Variants in CCDC3 observed in about 807,000 individuals in gnomAD.
CCDC3 encodes coiled-coil domain containing 3.
CCDC3 carries 24 observed loss-of-function variants against 21.4 expected under a neutral mutation model. The observed-to-expected ratio is 1.12, with a 90% CI of 0.81 to 1.58. The LOEUF (loss-of-function observed/expected upper bound fraction) is 1.58. Among genes scored for constraint, CCDC3 ranks in the 40% most tolerant of loss-of-function variants. The pLI is 0.00. For synonymous variants in CCDC3, 186 were observed against 166.0 expected, an observed-to-expected ratio of 1.12 and a Z score of -0.93; for missense variants, 425 against 360.9, an observed-to-expected ratio of 1.18 and a Z score of -1.44.
Position 13,052,938 on chromosome 10 carries a change from TCACACACACACACACA to T in CCDC3, c.-269-3013_-269-2998del, listed in dbSNP as rs56261341. On this transcript the variant is annotated intron_variant, in intron 4 of 6. Transcript: ENST00000378839. ...GCCTGGGCAGTAGATTGAGACTCTG[TCACACACACACACACA>T]CACACACACACACACACACACACAC... 5.4e-3 allele frequency among the ~76,000 whole-genome samples: 720 copies of T among 134,432 alleles called. 10 individuals carry two copies. The highest frequency in any genetic ancestry group is 0.018 in the African/African-American group (636 of 35,532). 88.2% of individuals were successfully genotyped at this position (134,432 alleles called of 152,430 possible). A position where few individuals can be genotyped will look rare whatever the true frequency, so the allele number is the denominator to read the frequency against.
intron 2 of CCDC3, among the ~76,000 whole-genome samples, chr10:12,912,848 C>T (rs1429792434): frequency 6.6e-6 from 1 of 152,154 alleles, no homozygotes; most frequent in African/African-American, 2.4e-5. Flanking sequence ...TTTTCCAGCA[C>T]CGTTTACTGA....
At chr10:12,928,326 G>T (rs951580613) in intron 2 of CCDC3, among the ~76,000 whole-genome samples, 1 of 152,080 alleles carries the variant, frequency 6.6e-6, no homozygotes, top group African/African-American at 2.4e-5. Flanking sequence ...CAAGAGAGAA[G>T]AATACAATAA....
At chr10:13,052,971 CACACACACACACACAT>C (rs879263426) in intron 4 of CCDC3, among the ~76,000 whole-genome samples, 1,683 of 91,870 alleles carry the variant, frequency 0.018, 19 homozygotes, top group African/African-American at 0.041. Flanking sequence ...CACACACACA[CACACACACACACACAT>C]ACACACACAC....
At chr10:12,981,252 T>C (rs957582611) in intron 2 of CCDC3, among the ~76,000 whole-genome samples, 9 of 149,098 alleles carry the variant, frequency 6.0e-5, no homozygotes, top group African/African-American at 2.2e-4. Context: ...TGATCTTGGT[T>C]CATGGCAACT....
chr10:13,022,899 G>C (rs994934442), intron 5 of CCDC3, among the ~76,000 whole-genome samples: 2 of 152,138 alleles, frequency 1.3e-5, no homozygotes, highest in Non-Finnish European at 2.9e-5. Context: ...AGAACTGCTT[G>C]AAATATAGGC....
At chr10:12,919,983 G>A (rs1440772848) in intron 2 of CCDC3, among the ~76,000 whole-genome samples, 1 of 152,146 alleles carries the variant, frequency 6.6e-6, no homozygotes, top group African/African-American at 2.4e-5. Flanking sequence ...CCATCTAGTG[G>A]GCCCGGAAGG....
chr10:12,929,582 C>A (rs139356554), intron 2 of CCDC3, among the ~76,000 whole-genome samples: 1 of 152,168 alleles, frequency 6.6e-6, no homozygotes, highest in Non-Finnish European at 1.5e-5. Flanking sequence ...ACTCTGCCCC[C>A]CTCTGCCACA....
chr10:12,961,590 C>T (rs929954809), intron 2 of CCDC3, among the ~76,000 whole-genome samples: 1 of 152,130 alleles, frequency 6.6e-6, no homozygotes, highest in African/African-American at 2.4e-5. Flanking sequence ...CATGAAGCAA[C>T]CTAGCTCTCT....
intron 4 of CCDC3, among the ~76,000 whole-genome samples, chr10:13,064,175 C>T (rs894368002): frequency 1.3e-5 from 2 of 152,300 alleles, no homozygotes; most frequent in East Asian, 3.9e-4. Flanking sequence ...CCACCTGCCT[C>T]AGCCTCCGAA....
intron 5 of CCDC3, among the ~76,000 whole-genome samples, chr10:13,039,060 C>G (rs1836415809): frequency 1.3e-5 from 2 of 152,176 alleles, no homozygotes; most frequent in Admixed American, 6.5e-5. Context: ...CCACCACGCA[C>G]ATGCTTCAGT....
In CCDC3 at chr10:13,012,327, G is replaced by C. The variant is rs533855061; in HGVS notation, c.-1-13815C>G. 1.2e-4 allele frequency among the ~76,000 whole-genome samples: 19 copies of C among 152,150 alleles called. No individual in the cohort carries two copies. In the South Asian group the frequency reaches 3.5e-3, roughly 28 times the overall value. The stretch of plus-strand genomic sequence containing the variant: ...AGGTCTAATATCCAGAATCTACAAG[G>C]AACTTTAAACCTACAAGCAAACAAG... On this transcript the variant is annotated intron_variant, in intron 5 of 6. Coordinates refer to the CCDC3 transcript ENST00000378839.
chr10:13,057,897 C>G (rs1344447732), intron 4 of CCDC3: 1 of 490,996 alleles, frequency 2.0e-6, no homozygotes, highest in South Asian at 2.1e-5. Context: ...AAGTTAAAAC[C>G]TTCTTTCTTG....
chr10:12,966,370 C>T (rs1265461053), intron 2 of CCDC3, among the ~76,000 whole-genome samples: 1 of 152,052 alleles, frequency 6.6e-6, no homozygotes, highest in African/African-American at 2.4e-5. Flanking sequence ...AATCTCCCTT[C>T]CCCAGCCTGC....
At chr10:13,046,061 A>G (rs1018448341) in intron 5 of CCDC3, among the ~76,000 whole-genome samples, 17 of 152,214 alleles carry the variant, frequency 1.1e-4, no homozygotes, top group Middle Eastern at 3.4e-3. Flanking sequence ...ACTGGACTCC[A>G]GCCTGGGTGA....
intron 2 of CCDC3, among the ~76,000 whole-genome samples, chr10:12,941,175 G>A (rs1834825707): frequency 1.3e-5 from 2 of 152,210 alleles, no homozygotes; most frequent in South Asian, 4.1e-4. Flanking sequence ...TGACGAGAGT[G>A]TCCTCTGGTG....
At chr10:13,039,720 G>A (rs917725115) in intron 5 of CCDC3, among the ~76,000 whole-genome samples, 1 of 152,200 alleles carries the variant, frequency 6.6e-6, no homozygotes, top group Middle Eastern at 3.4e-3. Flanking sequence ...CCTCAGGCAA[G>A]TAATTCTCTT....
intron 5 of CCDC3, among the ~76,000 whole-genome samples, chr10:13,048,195 C>G (rs1455975046): frequency 1.3e-5 from 2 of 151,596 alleles, no homozygotes; most frequent in Middle Eastern, 3.2e-3. Flanking sequence ...GAATTGAGGT[C>G]CCAATTATTT....
intron 5 of CCDC3, among the ~76,000 whole-genome samples, chr10:13,011,390 A>C (rs926046218): frequency 5.9e-5 from 9 of 152,154 alleles, no homozygotes; most frequent in Non-Finnish European, 1.2e-4. Flanking sequence ...CTATACACTA[A>C]TAGCACTCAA....
intron 2 of CCDC3, among the ~76,000 whole-genome samples, chr10:12,954,507 G>A (rs116488410): frequency 0.011 from 1,720 of 152,236 alleles, 32 homozygotes; most frequent in African/African-American, 0.039. Context: ...GAAGCATGGC[G>A]CCAGCATCTA....
Sources: allele counts gnomAD v4.1 joint callset (sites outside exome capture counted in the v4.1 genomes callset), GRCh38; gene constraint gnomAD v4.1.1; transcripts MANE v1.5; gene names NCBI Gene and HGNC (gene_info 2026-07-23, HGNC 2026-07-21).